CENPC: variants seen among roughly 807,000 people sequenced by gnomAD.
CENPC encodes the protein centromere protein C.
A neutral mutation model predicts 112.1 loss-of-function variants in CENPC; 63 were observed. The ratio of observed to expected loss-of-function variants is 0.56; its 90% CI spans 0.46 to 0.69. The LOEUF is 0.69. Among genes scored for constraint, CENPC ranks in the 30% least tolerant of loss-of-function variants. The pLI, the probability that CENPC is intolerant of heterozygous loss-of-function variation, is 0.00. For synonymous variants in CENPC, 333 were observed against 367.6 expected (o/e 0.91, Z 1.08); for missense variants, 1,000 against 1,103.8 (o/e 0.91, Z 1.33).
intron 16 of CENPC, among the ~76,000 whole-genome samples, chr4:67,490,450 T>C (rs914601455): frequency 9.2e-5 from 14 of 152,132 alleles, no homozygotes; most frequent in African/African-American, 3.1e-4. Flanking sequence ...CTATTTAAAA[T>C]ATTGTCTGGC....
At chr4:67,527,812 A>G (rs2109821761) in intron 5 of CENPC, among the ~76,000 whole-genome samples, 1 of 151,966 alleles carries the variant, frequency 6.6e-6, no homozygotes, top group East Asian at 1.9e-4. Flanking sequence ...CATCACTGTT[A>G]TTTAACATAA....
intron 17 of CENPC, among the ~76,000 whole-genome samples, chr4:67,475,826 T>A (rs1724790032): frequency 6.6e-6 from 1 of 152,078 alleles, no homozygotes; most frequent in African/African-American, 2.4e-5. Flanking sequence ...CCTGACCTGG[T>A]GATCTGCCCG....
At chr4:67,539,985 TTA>T in intron 3 of CENPC, 51 bp from the exon 4 acceptor site, 1 of 905,852 alleles carries the variant, frequency 1.1e-6, no homozygotes, top group Non-Finnish European at 1.6e-6. Flanking sequence ...GTAATATCTA[TTA>T]GTCACAATTA....
chr4:67,514,089 G>GT lies in CENPC; in HGVS notation c.1428dup (p.Gln477ThrfsTer11). ...AAACACTTACCCACAGGTGGCATCT[G>GT]TTTTTTGGAAACACAATCATTTCCC... is the stretch of plus-strand genomic sequence containing the variant. On this transcript the variant is annotated frameshift_variant, in exon 8 of 19. Transcript: ENST00000273853. LOFTEE classifies it high-confidence loss of function. 1 of 1,595,380 alleles carries GT rather than the reference G, an allele frequency of 6.3e-7. No homozygotes were observed.
At chr4:67,505,064 A>T in intron 12 of CENPC, 141 bp downstream of exon 12, 2 of 636,100 alleles carry the variant, frequency 3.1e-6, no homozygotes, top group East Asian at 5.8e-5. Flanking sequence ...ACAGGGTCTT[A>T]TTAATCTCTA....
rs766872913 is a variant in CENPC at position 67,500,372 on chromosome 4, ATATC to A, written c.2131+4829_2131+4832del. Among the ~76,000 whole-genome samples, 221 of 152,326 alleles carry A rather than the reference ATATC, an allele frequency of 1.5e-3. 2 individuals are homozygous for A. The highest frequency in any genetic ancestry group is 4.9e-3 in the African/African-American group (204 of 41,580). On this transcript the variant is annotated intron_variant, in intron 12 of 18. Transcript: ENST00000273853. The stretch of plus-strand genomic sequence containing the variant: ...TATGTGTATGTGTGTGTGTATATAT[ATATC>A]TATTTCCTATCTCTGTACACTGAGA...
chr4:67,532,575 G>T (rs1726587256), intron 4 of CENPC, among the ~76,000 whole-genome samples: 1 of 152,166 alleles, frequency 6.6e-6, no homozygotes, highest in Non-Finnish European at 1.5e-5. Context: ...CCATAAAAAA[G>T]GATGAGTTCA....
At chr4:67,541,765 C>T (rs774254664) in intron 2 of CENPC, among the ~76,000 whole-genome samples, 1 of 152,130 alleles carries the variant, frequency 6.6e-6, no homozygotes, top group Non-Finnish European at 1.5e-5. Context: ...CAACCAGAGT[C>T]AAGATACTGA....
chr4:67,491,472 T>G (rs866338795), intron 16 of CENPC, among the ~76,000 whole-genome samples: 2,096 of 37,944 alleles, frequency 0.055, 41 homozygotes, highest in East Asian at 0.11. Flanking sequence ...TATATATATA[T>G]ATATATATAG....
chr4:67,520,329 C>A (rs1726187188), intron 5 of CENPC, among the ~76,000 whole-genome samples: 1 of 152,122 alleles, frequency 6.6e-6, no homozygotes, highest in East Asian at 1.9e-4. Flanking sequence ...GCGGTATGAC[C>A]CACATGAAGC....
At position 67,493,910 on chromosome 4, in the gene CENPC, C is replaced by T. The variant is rs772093973; in HGVS notation, c.2264G>A (p.Arg755Gln). The T allele has an allele frequency of 7.4e-6, 12 of 1,612,088 alleles. No homozygotes were observed. The highest frequency in any genetic ancestry group is 6.7e-5 in the Admixed American group (4 of 59,868). The change falls in exon 14 of 19, where the codon CGA becomes CAA. Residue 755 changes from arginine to glutamine, a missense_variant. Transcript: ENST00000273853. ...TGATGGCCTTCCTTGATAATCTATT[C>T]GCTCTCCTCGCCAGTACTCCAAAGG... ...LKPLEYWRGE[R>Q]IDYQGRPSGG...
At chr4:67,520,041 C>G (rs1233157221) in intron 5 of CENPC, among the ~76,000 whole-genome samples, 1 of 152,154 alleles carries the variant, frequency 6.6e-6, no homozygotes, top group African/African-American at 2.4e-5. Context: ...GGTTTTCTGT[C>G]TGTCTCCCAT....
At chr4:67,516,883 T>C (rs1274175793) in intron 7 of CENPC, among the ~76,000 whole-genome samples, 1 of 151,968 alleles carries the variant, frequency 6.6e-6, no homozygotes, top group Non-Finnish European at 1.5e-5. Context: ...GTGGAAGCAA[T>C]GATGCTAGAA....
intron 6 of CENPC, among the ~76,000 whole-genome samples, chr4:67,518,807 C>T (rs895867176): frequency 5.9e-5 from 9 of 152,122 alleles, no homozygotes; most frequent in Non-Finnish European, 1.0e-4. Flanking sequence ...TTCCTAAAGG[C>T]CAAAGGTAAG....
rs182218569 is a variant in CENPC, at chr4:67,510,207, T to C, written c.1613-1102A>G. On this transcript the variant is annotated intron_variant, in intron 9 of 18. Transcript: ENST00000273853. ...CCTTAATAGGCCCCCCAGACAATTC[T>C]AAAGCACACTAAATTAAAGAAAGAA... is the stretch of plus-strand genomic sequence containing the variant. 2.4e-3 allele frequency among the ~76,000 whole-genome samples: 367 copies of C among 152,232 alleles called. 2 individuals carry two copies. The highest frequency in any genetic ancestry group is 8.3e-3 in the African/African-American group (346 of 41,552).
intron 17 of CENPC, among the ~76,000 whole-genome samples, chr4:67,489,602 A>G (rs1191319038): frequency 1.3e-5 from 2 of 152,064 alleles, no homozygotes; most frequent in African/African-American, 4.8e-5. Context: ...ATTTTTGAAG[A>G]AGTCTTTTAA....
At chr4:67,508,677 G>T in intron 10 of CENPC, 137 bp downstream of exon 10, 1 of 742,854 alleles carries the variant, frequency 1.3e-6, no homozygotes, top group Non-Finnish European at 2.1e-6. Context: ...AATGGTAGAG[G>T]CTGGATTTAA....
chr4:67,493,113 A>G (rs1468344639), intron 14 of CENPC, 116 bp from the exon 15 acceptor site: 1 of 779,126 alleles, frequency 1.3e-6, no homozygotes, highest in Non-Finnish European at 2.0e-6. Context: ...ATATGTCTGC[A>G]GCTAATAGTT....
chr4:67,474,734 CT>C (rs2109757324), intron 18 of CENPC, 153 bp downstream of exon 18: 1 of 635,568 alleles, frequency 1.6e-6, no homozygotes, highest in African/African-American at 1.9e-5. Flanking sequence ...TGCTAATACA[CT>C]TACCTAATGA....
Sources: gnomAD v4.1 joint callset for allele counts (sites outside exome capture counted in the v4.1 genomes callset) on GRCh38, gnomAD v4.1.1 for gene constraint, MANE v1.5 for transcripts, NCBI Gene and HGNC (gene_info 2026-07-23, HGNC 2026-07-21) for gene names.